NF1: variants seen among roughly 807,000 people sequenced by gnomAD.
The protein encoded by NF1 is neurofibromin 1, also known as neurofibromin.
In NF1, 122 loss-of-function variants were observed where a neutral mutation model predicts 325.7. The ratio of observed to expected loss-of-function variants is 0.37; its 90% confidence interval spans 0.32 to 0.44. NF1 has a LOEUF of 0.44. NF1 is among the 20% of genes least tolerant of loss of function. The pLI, the probability that NF1 is intolerant of heterozygous loss-of-function variation, is 1.00. For synonymous variants in NF1, 1,091 were observed against 1,186.0 expected, an observed-to-expected ratio of 0.92 and a Z score of 1.65; for missense variants, 2,140 against 3,415.4, an observed-to-expected ratio of 0.63 and a Z score of 9.31.
intron 1 of NF1, among the ~76,000 whole-genome samples, chr17:31,101,073 G>T (rs556937559): frequency 1.6e-4 from 24 of 151,956 alleles, no homozygotes; most frequent in African/African-American, 5.6e-4. Context: ...AGTCTTTTTT[G>T]TTGTTGTTGT....
At chr17:31,356,371 C>A in intron 51 of NF1, 89 bp from the exon 52 acceptor site, 1 of 1,415,140 alleles carries the variant, frequency 7.1e-7, no homozygotes, top group African/African-American at 1.4e-5. Flanking sequence ...AGCTTAAACA[C>A]TTTATGTCCA....
Position 31,313,876 on chromosome 17 carries a change from A to T in NF1, c.4836-11944A>T, listed in dbSNP as rs9898921. 2,847 of 393,022 alleles carry T rather than the reference A, an allele frequency of 7.2e-3. 71 individuals are homozygous for T. The highest frequency in any genetic ancestry group is 0.049 in the African/African-American group (2,395 of 48,558). 24.3% of individuals were successfully genotyped at this position (393,022 alleles called of 1,614,324 possible). On this transcript the variant is annotated intron_variant, in intron 36 of 57. Transcript: ENST00000358273. Reference sequence around the variant, plus strand: ...AAAACCACAAAAACCTGTTATAGACATCTTTAGACTATCAGAGTTTAAGTT... The same window carrying T: ...AAAACCACAAAAACCTGTTATAGACTTCTTTAGACTATCAGAGTTTAAGTT...
intron 36 of NF1, among the ~76,000 whole-genome samples, chr17:31,305,793 C>T (rs1181962556): frequency 6.6e-6 from 1 of 152,168 alleles, no homozygotes; most frequent in Non-Finnish European, 1.5e-5. Flanking sequence ...ACTTGATACA[C>T]TGTAGGTTTG....
rs558188405 is a variant in NF1 at position 31,098,578 on chromosome 17, C to T, written c.60+3209C>T. Among the ~76,000 whole-genome samples, 42 of 152,158 alleles carry T rather than the reference C, an allele frequency of 2.8e-4. 1 individual carries two copies. Among genetic ancestry groups the T allele is most frequent in the Admixed American group, 2.4e-3 (36 of 15,274 alleles). ...TGCTGAGATTACAGGCGTGAGCCAT[C>T]GCTTACATTTTTATTGAGGGGAGAA... is the stretch of plus-strand genomic sequence containing the variant. On this transcript the variant is annotated intron_variant, in intron 1 of 57. Coordinates refer to ENST00000358273, the MANE Select transcript of NF1 (RefSeq NM_001042492.3).
rs17884993 is a variant in NF1, at chr17:31,336,158, G to A, written c.6007-175G>A. Among the ~76,000 whole-genome samples the A allele has an allele frequency of 9.5e-3, 1,444 of 151,826 alleles. 23 individuals are homozygous for A. The highest frequency in any genetic ancestry group is 0.033 in the African/African-American group (1,360 of 41,368). ...AAATGAATATACTCATCCTTTACTG[G>A]ATATTTTATAATAAATTGTATTTAC... is the stretch of plus-strand genomic sequence containing the variant. On this transcript the variant is annotated intron_variant, in intron 40 of 57. Transcript: ENST00000358273. This position sits in a 1 kb window ranked among gnomAD's most constrained non-coding sequence, Gnocchi z 5.5.
At chr17:31,303,572 G>C (rs1032438672) in intron 36 of NF1, among the ~76,000 whole-genome samples, 2 of 151,614 alleles carry the variant, frequency 1.3e-5, no homozygotes, top group Non-Finnish European at 2.9e-5. Context: ...ACTTGATTTT[G>C]TTTGGGTGTT....
At chr17:31,232,979 T>C (rs2151435177) in intron 26 of NF1, 23 bp from the exon 27 acceptor site, 1 of 1,614,042 alleles carries the variant, frequency 6.2e-7, no homozygotes, top group Non-Finnish European at 8.5e-7. Context: ...GTTAGTAAAT[T>C]TGCATCTGTT....
intron 51 of NF1, among the ~76,000 whole-genome samples, chr17:31,353,121 C>G (rs926918819): frequency 6.6e-6 from 1 of 152,098 alleles, no homozygotes; most frequent in Non-Finnish European, 1.5e-5. Flanking sequence ...GTTGGCCAGG[C>G]TAGTCTTGAA....
At chr17:31,236,367 T>C (rs1758518546) in intron 29 of NF1, among the ~76,000 whole-genome samples, 1 of 152,170 alleles carries the variant, frequency 6.6e-6, no homozygotes, top group Non-Finnish European at 1.5e-5. Context: ...AACTCACTTC[T>C]TCTATGATGA....
chr17:31,242,611 G>A (rs953425885), intron 29 of NF1, among the ~76,000 whole-genome samples: 9 of 151,896 alleles, frequency 5.9e-5, no homozygotes, highest in East Asian at 1.9e-4. Flanking sequence ...TGCATTTTTC[G>A]TCTCCAGAAT....
At chr17:31,280,226 AAAAAG>A (rs1193192935) in intron 36 of NF1, among the ~76,000 whole-genome samples, 2 of 149,648 alleles carry the variant, frequency 1.3e-5, no homozygotes, top group African/African-American at 5.0e-5. Context: ...TTTTTTTTTA[AAAAAG>A]AAAGAAATGT....
chr17:31,098,385 A>G (rs1189600734), intron 1 of NF1, among the ~76,000 whole-genome samples: 1 of 151,726 alleles, frequency 6.6e-6, no homozygotes, highest in African/African-American at 2.4e-5. Context: ...TATTTTTGAG[A>G]CGGAGTTTCA....
intron 36 of NF1, among the ~76,000 whole-genome samples, chr17:31,280,860 A>G (rs1294240099): frequency 6.7e-6 from 1 of 149,156 alleles, no homozygotes; most frequent in Non-Finnish European, 1.5e-5. Flanking sequence ...CCATTTCTTC[A>G]TAACCATCTA....
At chr17:31,371,495 T>C (rs1255879604) in intron 57 of NF1, among the ~76,000 whole-genome samples, 1 of 152,244 alleles carries the variant, frequency 6.6e-6, no homozygotes, top group Admixed American at 6.5e-5. Context: ...AGCAGCTTTC[T>C]TTCAGTTTTG....
intron 46 of NF1, 123 bp downstream of exon 46, chr17:31,338,928 A>G: frequency 1.4e-6 from 1 of 702,150 alleles, no homozygotes; most frequent in African/African-American, 1.8e-5. Context: ...AACTATAGTT[A>G]AAGTAGAACC....
At chr17:31,166,528 A>AT (rs1342611975) in intron 4 of NF1, among the ~76,000 whole-genome samples, 1 of 151,840 alleles carries the variant, frequency 6.6e-6, no homozygotes, top group Non-Finnish European at 1.5e-5. Flanking sequence ...TTCTGGAGCT[A>AT]TTTTTTTCTT....
At chr17:31,188,814 C>T (rs915860431) in intron 8 of NF1, among the ~76,000 whole-genome samples, 1 of 152,188 alleles carries the variant, frequency 6.6e-6, no homozygotes, top group Non-Finnish European at 1.5e-5. Context: ...CCTCCATCTT[C>T]CTCCTGTGCT....
At chr17:31,243,494 G>A (rs2067339541) in intron 29 of NF1, among the ~76,000 whole-genome samples, 2 of 151,920 alleles carry the variant, frequency 1.3e-5, no homozygotes, top group African/African-American at 2.4e-5. Context: ...ATTCTGCTGC[G>A]GCTAAGCATT....
At chr17:31,366,552 C>G (rs767312603) in intron 57 of NF1, among the ~76,000 whole-genome samples, 9 of 152,142 alleles carry the variant, frequency 5.9e-5, no homozygotes, top group Non-Finnish European at 1.3e-4. Context: ...TAAACTTAGA[C>G]TTGGCTCTGA....
Sources: gnomAD v4.1 joint callset for allele counts (sites outside exome capture counted in the v4.1 genomes callset) on GRCh38, gnomAD v4.1.1 for gene constraint, Gnocchi (gnomAD v3.1) non-coding constraint, MANE v1.5 for transcripts, NCBI Gene and HGNC (gene_info 2026-07-23, HGNC 2026-07-21) for gene names.